Variants in SLC7A11 observed in about 807,000 individuals in gnomAD.
SLC7A11 encodes the protein solute carrier family 7 member 11, also known as cystine/glutamate transporter.
In SLC7A11, 35 loss-of-function variants were observed where a neutral mutation model predicts 54.5. That is an observed-to-expected ratio of 0.64 (90% confidence interval 0.49 to 0.85). The LOEUF (loss-of-function observed/expected upper bound fraction) is 0.85. SLC7A11 is among the 40% of genes least tolerant of loss of function. The pLI is 0.00. For missense variants in SLC7A11, 583 were observed against 618.1 expected (o/e 0.94, Z 0.60); for synonymous variants, 230 against 225.2 (o/e 1.02, Z -0.19).
Position 138,170,271 on chromosome 4 carries a change from T to TATATACACAC in SLC7A11, c.*1684_*1685insGTGTGTATAT, listed in dbSNP as rs752680028. 440 of 86,202 alleles carry TATATACACAC rather than the reference T, an allele frequency of 5.1e-3. 3 individuals carry two copies. The highest frequency in any genetic ancestry group is 9.1e-3 in the African/African-American group (216 of 23,784). The allele number at this position is 86,202 out of a possible 1,614,324, so 5.3% of individuals were successfully genotyped here. A position where few individuals can be genotyped will look rare whatever the true frequency, so the allele number is the denominator to read the frequency against. Reference sequence around the variant, plus strand: ...GTGTGTATATATATATATATATATATACACACACACACACACACACACATA... The same window carrying TATATACACAC: ...GTGTGTATATATATATATATATATATATATACACACACACACACACACACACACACACATA... On this transcript the variant is annotated 3_prime_UTR_variant, in exon 12 of 12. Coordinates refer to ENST00000280612, the MANE Select transcript of SLC7A11 (RefSeq NM_014331.4).
chr4:138,183,514 C>T (rs1736798893), intron 7 of SLC7A11, among the ~76,000 whole-genome samples: 1 of 152,070 alleles, frequency 6.6e-6, no homozygotes, highest in Non-Finnish European at 1.5e-5. Context: ...AAACTATAGT[C>T]AAAGATCTAA....
At position 138,185,163 on chromosome 4, in the gene SLC7A11, G is replaced by T. The variant is rs1349068707; in HGVS notation, c.873C>A (p.Thr291=). 8 of 1,612,942 alleles carry T rather than the reference G, an allele frequency of 5.0e-6. No individual in the cohort carries two copies. Among genetic ancestry groups the T allele is most frequent in the African/African-American group, 1.3e-5 (1 of 74,942 alleles). Residue 291 remains threonine, a synonymous_variant, in exon 7 of 12, where the codon ACC becomes ACA. Transcript: ENST00000280612. The stretch of plus-strand genomic sequence containing the variant: ...AAAGCAGCAGCTCCTCAGCATTAAT[G>T]GTCGTAAAGTAGGCCACATTTGTCA... The part of the protein sequence containing the change: ...YVLTNVAYFT[T]INAEELLLSN...
At chr4:138,183,996 A>T (rs890956402) in intron 7 of SLC7A11, among the ~76,000 whole-genome samples, 1 of 152,196 alleles carries the variant, frequency 6.6e-6, no homozygotes, top group African/African-American at 2.4e-5. Flanking sequence ...ATGTTCTTTT[A>T]TGCCATGATA....
At chr4:138,198,238 A>G (rs947255661) in intron 6 of SLC7A11, among the ~76,000 whole-genome samples, 9 of 152,036 alleles carry the variant, frequency 5.9e-5, no homozygotes, top group African/African-American at 1.9e-4. Flanking sequence ...ATAAAAAATG[A>G]TTATTATATC....
intron 6 of SLC7A11, among the ~76,000 whole-genome samples, chr4:138,193,080 C>A (rs145350176): frequency 1.2e-3 from 187 of 152,270 alleles, no homozygotes; most frequent in African/African-American, 4.2e-3. Context: ...CACACACAAC[C>A]AGGCCCCATC....
intron 6 of SLC7A11, among the ~76,000 whole-genome samples, chr4:138,196,169 A>G (rs1293396267): frequency 2.0e-5 from 3 of 152,144 alleles, no homozygotes; most frequent in Non-Finnish European, 4.4e-5. Flanking sequence ...AGCCAAAATT[A>G]TTTGTAATAA....
intron 1 of SLC7A11, among the ~76,000 whole-genome samples, chr4:138,240,581 A>AAG (rs56366531): frequency 6.6e-6 from 1 of 151,342 alleles, no homozygotes; most frequent in Non-Finnish European, 1.5e-5. Flanking sequence ...AAAAAAAAAA[A>AAG]TGGAATTTGA....
Position 138,189,847 on chromosome 4 carries a change from A to G in SLC7A11, c.792-4603T>C, listed in dbSNP as rs1736966165. On this transcript the variant is annotated intron_variant, in intron 6 of 11. Transcript: ENST00000280612. ...CTTGCTATGAAAATGAAATGAGTAA[A>G]CCTAGCTTGATTCTCCAGAGAAGTC... Among the ~76,000 whole-genome samples the G allele has an allele frequency of 3.3e-5, 5 of 152,126 alleles. No homozygotes were observed. In the South Asian group the frequency reaches 1.0e-3, roughly 32 times the overall value.
intron 6 of SLC7A11, among the ~76,000 whole-genome samples, chr4:138,186,490 T>G (rs1017052537): frequency 1.3e-5 from 2 of 152,168 alleles, no homozygotes; most frequent in Non-Finnish European, 2.9e-5. Context: ...TTCATTATGC[T>G]GCTTGGAGCC....
Position 138,170,269 on chromosome 4 carries a change from TATACAC to T in SLC7A11, c.*1681_*1686del, listed in dbSNP as rs1206323283. The T allele has an allele frequency of 1.7e-3, 139 of 81,292 alleles. No homozygotes were observed. The highest frequency in any genetic ancestry group is 3.4e-3 in the Non-Finnish European group (129 of 37,992). 5.0% of individuals were successfully genotyped at this position (81,292 alleles called of 1,614,324 possible). ...GTGTGTGTATATATATATATATATA[TATACAC>T]ACACACACACACACACACATACACA... is the stretch of plus-strand genomic sequence containing the variant. On this transcript the variant is annotated 3_prime_UTR_variant, in exon 12 of 12. Coordinates refer to ENST00000280612, the MANE Select transcript of SLC7A11 (RefSeq NM_014331.4).
chr4:138,236,198 C>A, intron 2 of SLC7A11, 127 bp downstream of exon 2: 1 of 717,784 alleles, frequency 1.4e-6, no homozygotes. Context: ...GGCTTTATAT[C>A]CTGAGGTAGA....
At chr4:138,218,926 A>G (rs570291757) in intron 5 of SLC7A11, among the ~76,000 whole-genome samples, 1 of 152,270 alleles carries the variant, frequency 6.6e-6, no homozygotes, top group African/African-American at 2.4e-5. Flanking sequence ...TGACAAGCGA[A>G]GTATTATTCT....
intron 3 of SLC7A11, among the ~76,000 whole-genome samples, chr4:138,229,002 T>C (rs965257192): frequency 2.6e-5 from 4 of 152,134 alleles, no homozygotes; most frequent in Admixed American, 6.6e-5. Flanking sequence ...CCCACCCTTA[T>C]CCCATTATCA....
chr4:138,208,624 T>C (rs936736943), intron 6 of SLC7A11, among the ~76,000 whole-genome samples: 2 of 152,056 alleles, frequency 1.3e-5, no homozygotes, highest in South Asian at 2.1e-4. Context: ...ATTACTACTA[T>C]ATATATGCCA....
intron 2 of SLC7A11, among the ~76,000 whole-genome samples, chr4:138,232,637 C>T (rs752999250): frequency 2.6e-5 from 4 of 152,158 alleles, no homozygotes; most frequent in Non-Finnish European, 5.9e-5. Context: ...CCCTGCTCTC[C>T]CATATTTGAC....
chr4:138,231,580 T>C (rs1738081036), intron 3 of SLC7A11, among the ~76,000 whole-genome samples: 1 of 152,172 alleles, frequency 6.6e-6, no homozygotes, highest in Non-Finnish European at 1.5e-5. Context: ...TCCTTTCCCA[T>C]ATTTAAGGAT....
intron 6 of SLC7A11, among the ~76,000 whole-genome samples, chr4:138,207,627 C>T (rs2148433142): frequency 6.6e-6 from 1 of 152,154 alleles, no homozygotes; most frequent in South Asian, 2.1e-4. Context: ...ATCACTTGAA[C>T]CTGGGAGGTG....
At chr4:138,199,496 T>C (rs2148426436) in intron 6 of SLC7A11, among the ~76,000 whole-genome samples, 2 of 152,234 alleles carry the variant, frequency 1.3e-5, no homozygotes, top group South Asian at 4.1e-4. Flanking sequence ...GTTCCCGTCA[T>C]TTAAAAATAG....
intron 10 of SLC7A11, among the ~76,000 whole-genome samples, chr4:138,179,970 T>C (rs138180358): frequency 6.6e-6 from 1 of 152,268 alleles, no homozygotes; most frequent in African/African-American, 2.4e-5. Flanking sequence ...CTGACAACCT[T>C]ATCTATGCCA....
Sources: gnomAD v4.1 joint callset for allele counts (sites outside exome capture counted in the v4.1 genomes callset) on GRCh38, gnomAD v4.1.1 for gene constraint, MANE v1.5 for transcripts, NCBI Gene and HGNC (gene_info 2026-07-23, HGNC 2026-07-21) for gene names.